SCHIP1: variants seen among roughly 807,000 people sequenced by gnomAD.
The protein encoded by SCHIP1 is schwannomin interacting protein 1.
A neutral mutation model predicts 29.7 loss-of-function variants in SCHIP1; 8 were observed. The ratio of observed to expected loss-of-function variants is 0.27; its 90% CI spans 0.16 to 0.49. The LOEUF is 0.49. Among genes scored for constraint, SCHIP1 ranks in the 20% least tolerant of loss-of-function variants. The probability of loss-of-function intolerance (pLI) is 0.99; values close to 1 mark genes in which losing one functional copy is unlikely to be tolerated. For synonymous variants in SCHIP1, 76 were observed against 94.9 expected (o/e 0.80, Z 1.16); for missense variants, 193 against 294.6 (o/e 0.66, Z 2.52).
At chr3:159,394,898 T>A in the SCHIP1 span, among the ~76,000 whole-genome samples, 1 of 152,134 alleles carries the variant, frequency 6.6e-6, no homozygotes, top group Admixed American at 6.5e-5. Context: ...TGGTACCAGT[T>A]CCTCCTTGTA....
chr3:159,691,416 C>CTTTTT, the SCHIP1 span, among the ~76,000 whole-genome samples: 15 of 106,680 alleles, frequency 1.4e-4, no homozygotes, highest in East Asian at 5.3e-4. Flanking sequence ...GCAACCCCTG[C>CTTTTT]TTTTTTTTTT....
chr3:159,679,107 G>A, the SCHIP1 span, among the ~76,000 whole-genome samples: 4 of 152,090 alleles, frequency 2.6e-5, no homozygotes, highest in Admixed American at 1.3e-4. Flanking sequence ...CTCACAAAGC[G>A]TGACTTTAGA....
chr3:159,396,216 CTGCA>C, the SCHIP1 span, among the ~76,000 whole-genome samples: 4 of 151,276 alleles, frequency 2.6e-5, no homozygotes, highest in Admixed American at 2.6e-4. Context: ...ATGTGTGTCT[CTGCA>C]CTTGAGATGG....
the SCHIP1 span, among the ~76,000 whole-genome samples, chr3:159,460,702 C>T: frequency 1.1e-3 from 163 of 152,194 alleles, 1 homozygote; most frequent in African/African-American, 3.5e-3. Context: ...CTATTTTAAA[C>T]GGAAGTTCCA....
chr3:159,598,216 C>G, the SCHIP1 span, among the ~76,000 whole-genome samples: 1 of 152,114 alleles, frequency 6.6e-6, no homozygotes, highest in Non-Finnish European at 1.5e-5. Context: ...ATCTTATGTC[C>G]GTTTCACATT....
At chr3:159,726,756 G>A in the SCHIP1 span, among the ~76,000 whole-genome samples, 3 of 152,262 alleles carry the variant, frequency 2.0e-5, no homozygotes, top group African/African-American at 7.2e-5. Context: ...TTACTGAGAG[G>A]CTTATAATAG....
At chr3:159,614,609 C>T in the SCHIP1 span, among the ~76,000 whole-genome samples, 1 of 152,080 alleles carries the variant, frequency 6.6e-6, no homozygotes, top group Non-Finnish European at 1.5e-5. Flanking sequence ...TTTCTTCATC[C>T]CTAACCTATC....
chr3:159,595,959 A>C, the SCHIP1 span, among the ~76,000 whole-genome samples: 2 of 152,332 alleles, frequency 1.3e-5, no homozygotes, highest in African/African-American at 4.8e-5. Context: ...AATGGGATCT[A>C]ATTAAACTAA....
chr3:159,718,798 C>T, the SCHIP1 span, among the ~76,000 whole-genome samples: 1 of 152,120 alleles, frequency 6.6e-6, no homozygotes, highest in Non-Finnish European at 1.5e-5. Context: ...GTGAAAATGG[C>T]CACACTTCCC....
At chr3:159,470,307 T>C in the SCHIP1 span, among the ~76,000 whole-genome samples, 1 of 152,228 alleles carries the variant, frequency 6.6e-6, no homozygotes, top group Admixed American at 6.5e-5. Context: ...TAAATAGTTT[T>C]ATACATGGAG....
At chr3:159,468,108 CT>C in the SCHIP1 span, among the ~76,000 whole-genome samples, 1 of 151,992 alleles carries the variant, frequency 6.6e-6, no homozygotes, top group African/African-American at 2.4e-5. Context: ...ATATTATTTT[CT>C]TGATGTAATT....
chr3:159,538,499 C>A, the SCHIP1 span, among the ~76,000 whole-genome samples: 2 of 152,158 alleles, frequency 1.3e-5, no homozygotes, highest in African/African-American at 4.8e-5. Context: ...TAAACACTTA[C>A]CATCTCCTCT....
At chr3:159,331,696 C>T in the SCHIP1 span, among the ~76,000 whole-genome samples, 1 of 152,100 alleles carries the variant, frequency 6.6e-6, no homozygotes, top group African/African-American at 2.4e-5. Context: ...TTTCTCTCAC[C>T]ACACTGGAAA....
At chr3:159,763,555 C>T in the SCHIP1 span, among the ~76,000 whole-genome samples, 1 of 152,228 alleles carries the variant, frequency 6.6e-6, no homozygotes, top group Non-Finnish European at 1.5e-5. Flanking sequence ...GCCCCTCCAA[C>T]CCCATCCCAG....
At chr3:159,662,284 T>C in the SCHIP1 span, among the ~76,000 whole-genome samples, 579 of 152,324 alleles carry the variant, frequency 3.8e-3, 8 homozygotes, top group Admixed American at 0.024. Context: ...TTCCCCTCCC[T>C]TGTTCAGGTG....
chr3:159,623,101 C>T, the SCHIP1 span, among the ~76,000 whole-genome samples: 1 of 152,032 alleles, frequency 6.6e-6, no homozygotes, highest in Non-Finnish European at 1.5e-5. Context: ...AATGAATGAT[C>T]CTCAGGCAAC....
the SCHIP1 span, among the ~76,000 whole-genome samples, chr3:159,276,300 T>C: frequency 6.6e-6 from 1 of 152,184 alleles, no homozygotes; most frequent in African/African-American, 2.4e-5. Flanking sequence ...AGGTCCTAAA[T>C]GGTAGCTTCT....
chr3:159,482,721 C>G, the SCHIP1 span, among the ~76,000 whole-genome samples: 1 of 152,110 alleles, frequency 6.6e-6, no homozygotes. Context: ...CTCTGAAATG[C>G]AAGAGGATTT....
the SCHIP1 span, among the ~76,000 whole-genome samples, chr3:159,395,786 T>C: frequency 1.1e-4 from 16 of 151,516 alleles, no homozygotes; most frequent in Non-Finnish European, 1.9e-4. Flanking sequence ...CTGAAAAAAA[T>C]GTATATTCTG....
Sources: allele counts gnomAD v4.1 joint callset (sites outside exome capture counted in the v4.1 genomes callset), GRCh38; gene constraint gnomAD v4.1.1; transcripts MANE v1.5; gene names NCBI Gene and HGNC (gene_info 2026-07-23, HGNC 2026-07-21).